The following SGCD variants were observed in gnomAD, a reference collection of about 807,000 sequenced individuals.
SGCD encodes the protein sarcoglycan delta, also known as delta-sarcoglycan.
A neutral mutation model predicts 36.6 loss-of-function variants in SGCD; 18 were observed. The ratio of observed to expected loss-of-function variants is 0.49; its 90% confidence interval spans 0.34 to 0.73. The LOEUF is 0.73. Among genes scored for constraint, SGCD ranks in the 30% least tolerant of loss-of-function variants. The pLI is 0.01. For synonymous variants in SGCD, 133 were observed against 130.6 expected (o/e 1.02, Z -0.12); for missense variants, 387 against 346.7 (o/e 1.12, Z -0.92).
At chr5:155,895,786 T>C (rs542671485) in intron 1 of SGCD, among the ~76,000 whole-genome samples, 54 of 152,352 alleles carry the variant, frequency 3.5e-4, no homozygotes, top group Non-Finnish European at 6.6e-4. Flanking sequence ...TTTCGGCTTT[T>C]ATACAGCAAA....
At chr5:156,608,846 A>G (rs1438147225) in intron 6 of SGCD, among the ~76,000 whole-genome samples, 1 of 151,868 alleles carries the variant, frequency 6.6e-6, no homozygotes, top group African/African-American at 2.4e-5. Flanking sequence ...AGTCTGTTTT[A>G]TCCGAGACTA....
intron 1 of SGCD, among the ~76,000 whole-genome samples, chr5:156,003,484 TG>T (rs1758702243): frequency 6.6e-6 from 1 of 152,248 alleles, no homozygotes; most frequent in Non-Finnish European, 1.5e-5. Context: ...TTCCCGGAGC[TG>T]TCTGACCTGG....
At chr5:156,657,304 G>A (rs1399885298) in intron 7 of SGCD, among the ~76,000 whole-genome samples, 2 of 150,428 alleles carry the variant, frequency 1.3e-5, no homozygotes, top group Admixed American at 1.3e-4. Context: ...GTGCAGGTTT[G>A]TTACATATGT....
At chr5:156,526,487 C>CT (rs1204849489) in intron 4 of SGCD, among the ~76,000 whole-genome samples, 1 of 152,172 alleles carries the variant, frequency 6.6e-6, no homozygotes, top group Admixed American at 6.6e-5. Context: ...ACACGAGCAT[C>CT]TTGCTGTCTT....
intron 4 of SGCD, among the ~76,000 whole-genome samples, chr5:156,578,200 A>G (rs1045007860): frequency 2.6e-5 from 4 of 152,274 alleles, no homozygotes; most frequent in African/African-American, 9.6e-5. Flanking sequence ...GGTTCTGTTT[A>G]TGTGATGGGT....
At chr5:156,296,460 T>C (rs893088782) in intron 3 of SGCD, among the ~76,000 whole-genome samples, 3 of 152,220 alleles carry the variant, frequency 2.0e-5, no homozygotes, top group African/African-American at 7.2e-5. Context: ...AATATAGGCA[T>C]TTATAGCTAT....
intron 3 of SGCD, among the ~76,000 whole-genome samples, chr5:156,271,230 T>C (rs954271291): frequency 6.6e-6 from 1 of 152,176 alleles, no homozygotes; most frequent in Non-Finnish European, 1.5e-5. Flanking sequence ...TAAATTGGGA[T>C]CTGATCTGCC....
intron 1 of SGCD, among the ~76,000 whole-genome samples, chr5:156,101,034 G>T (rs746559593): frequency 1.3e-5 from 2 of 152,160 alleles, no homozygotes; most frequent in Non-Finnish European, 1.5e-5. Context: ...CCTATAAGAA[G>T]AGACATGAGA....
the SGCD span, among the ~76,000 whole-genome samples, chr5:155,728,542 T>C: frequency 6.6e-6 from 1 of 152,188 alleles, no homozygotes; most frequent in African/African-American, 2.4e-5. Flanking sequence ...TTGCGCGCTG[T>C]CTGCTCCAGC....
At chr5:156,086,281 T>TTTCCTTC (rs1397533650) in intron 1 of SGCD, among the ~76,000 whole-genome samples, 13 of 152,236 alleles carry the variant, frequency 8.5e-5, no homozygotes, top group African/African-American at 3.1e-4. Context: ...TCTTTTCCTT[T>TTTCCTTC]TTCCTTCTTC....
chr5:156,587,270 C>T (rs1760534526), intron 4 of SGCD, among the ~76,000 whole-genome samples: 1 of 152,206 alleles, frequency 6.6e-6, no homozygotes, highest in African/African-American at 2.4e-5. Context: ...AGTTCAAAGC[C>T]CTTCCTGAAT....
chr5:155,792,289 T>C, the SGCD span, among the ~76,000 whole-genome samples: 10 of 151,836 alleles, frequency 6.6e-5, no homozygotes. Flanking sequence ...AAGACCTCAA[T>C]AAAAATCCTG....
At chr5:156,541,447 A>G (rs2113150491) in intron 4 of SGCD, among the ~76,000 whole-genome samples, 1 of 152,300 alleles carries the variant, frequency 6.6e-6, no homozygotes, top group South Asian at 2.1e-4. Context: ...GGATGGTGGC[A>G]GAAAAGGTGG....
chr5:156,580,048 G>A (rs369548227), intron 4 of SGCD, among the ~76,000 whole-genome samples: 1 of 152,148 alleles, frequency 6.6e-6, no homozygotes, highest in African/African-American at 2.4e-5. Context: ...GCAGTGGCTG[G>A]TACAGGTTGT....
chr5:155,802,565 A>G, the SGCD span, among the ~76,000 whole-genome samples: 2 of 152,244 alleles, frequency 1.3e-5, no homozygotes, highest in Non-Finnish European at 2.9e-5. Context: ...AAGCAGAATC[A>G]TACAGACACA....
At chr5:156,102,498 TC>T (rs1761543206) in intron 1 of SGCD, among the ~76,000 whole-genome samples, 1 of 152,224 alleles carries the variant, frequency 6.6e-6, no homozygotes, top group African/African-American at 2.4e-5. Context: ...GAAATGTCTG[TC>T]GTCCAAATGT....
intron 2 of SGCD, among the ~76,000 whole-genome samples, chr5:156,335,640 C>T (rs1019906878): frequency 5.3e-5 from 8 of 152,286 alleles, no homozygotes; most frequent in African/African-American, 1.9e-4. Flanking sequence ...CCCTATCATT[C>T]CCCTGCACAC....
chr5:156,400,452 A>G (rs1772084203), intron 3 of SGCD, among the ~76,000 whole-genome samples: 1 of 152,210 alleles, frequency 6.6e-6, no homozygotes, highest in East Asian at 1.9e-4. Context: ...TTTAAAGGGG[A>G]CATCTGGACA....
chr5:155,739,925 GA>G, the SGCD span, among the ~76,000 whole-genome samples: 1,430 of 152,152 alleles, frequency 9.4e-3, 30 homozygotes, highest in African/African-American at 0.033. Flanking sequence ...TAGAATAATT[GA>G]AATTATAGCA....
Sources: gnomAD v4.1 joint callset for allele counts (sites outside exome capture counted in the v4.1 genomes callset) on GRCh38, gnomAD v4.1.1 for gene constraint, MANE v1.5 for transcripts, NCBI Gene and HGNC (gene_info 2026-07-23, HGNC 2026-07-21) for gene names.